CSPP1: variants seen among roughly 807,000 people sequenced by gnomAD.
CSPP1 encodes the protein centrosome and spindle pole-associated protein 1.
Under a neutral mutation model 164.4 loss-of-function variants are expected in CSPP1, and 126 were observed. The ratio of observed to expected loss-of-function variants is 0.77; its 90% CI spans 0.66 to 0.89. The LOEUF is 0.89. Ranked by LOEUF, CSPP1 falls within the 40% of genes least tolerant of loss-of-function variation. CSPP1 has a pLI of 0.00. For missense variants in CSPP1, 1,395 were observed against 1,449.8 expected (o/e 0.96, Z 0.61); for synonymous variants, 472 against 476.7 (o/e 0.99, Z 0.13).
At chr8:67,176,118 G>C (rs1831564517) in intron 26 of CSPP1, among the ~76,000 whole-genome samples, 1 of 152,036 alleles carries the variant, frequency 6.6e-6, no homozygotes, top group African/African-American at 2.4e-5. Flanking sequence ...GCAGAGTGGG[G>C]CTAGTTGTCT....
rs749633996 is a variant in CSPP1, at chr8:67,175,282, A to AT, written c.2969-8dup. 12 of 1,594,146 alleles carry AT rather than the reference A, an allele frequency of 7.5e-6. No homozygotes were observed. In the East Asian group the frequency reaches 1.3e-4, roughly 18 times the overall value. Reference sequence around the variant, plus strand: ...AACATTTAACTTAGTTATATAACATATTTTTTATACCAGATTCAGAAACAC... The same window carrying AT: ...AACATTTAACTTAGTTATATAACATATTTTTTTATACCAGATTCAGAAACAC... On this transcript the variant is annotated splice_polypyrimidine_tract_variant and intron_variant, in intron 25 of 30. Transcript: ENST00000678616.
chr8:67,086,930 C>A, intron 4 of CSPP1: 2 of 717,536 alleles, frequency 2.8e-6, no homozygotes, highest in Non-Finnish European at 4.2e-6. Flanking sequence ...CAATCATTTG[C>A]ATTTATGAGA....
At chr8:67,090,395 C>G (rs1267438812) in intron 4 of CSPP1, among the ~76,000 whole-genome samples, 1 of 152,120 alleles carries the variant, frequency 6.6e-6, no homozygotes, top group Non-Finnish European at 1.5e-5. Context: ...AGGTGATTCT[C>G]CTGCCTCAGC....
At chr8:67,146,322 C>T (rs930024146) in intron 17 of CSPP1, among the ~76,000 whole-genome samples, 2 of 151,752 alleles carry the variant, frequency 1.3e-5, no homozygotes, top group Non-Finnish European at 2.9e-5. Flanking sequence ...CAGGGTCTCA[C>T]TTTTTTGCCC....
rs1380338592 is a variant in CSPP1 at position 67,074,282 on chromosome 8, A to G, written c.30A>G (p.Glu10=). The G allele has an allele frequency of 8.1e-6, 13 of 1,611,448 alleles. No homozygotes were observed. The highest frequency in any genetic ancestry group is 1.1e-5 in the Non-Finnish European group (13 of 1,178,776). The change falls in exon 2 of 31, where the codon GAA becomes GAG. Residue 10 remains glutamate (E), a synonymous_variant. Coordinates refer to ENST00000678616, the MANE Select transcript of CSPP1 (RefSeq NM_001382391.1). ...CTGATAATTTGGATGAATTTATTGA[A>G]GAGCAAAAAGCCAGATTGGCCGAAG... MADNLDEFI[E]EQKARLAEDK...
intron 28 of CSPP1, among the ~76,000 whole-genome samples, chr8:67,181,338 ATTTTTTTTTTT>A (rs58029238): frequency 1.4e-3 from 156 of 112,638 alleles, no homozygotes; most frequent in Non-Finnish European, 2.4e-3. Flanking sequence ...GTACCTGGCC[ATTTTTTTTTTT>A]TTTTTTTTTT....
Position 67,149,834 on chromosome 8 carries a change from A to G in CSPP1, c.2027A>G (p.Asp676Gly). The G allele has an allele frequency of 6.2e-7, 1 of 1,605,352 alleles. No individual in the cohort carries two copies. Among genetic ancestry groups the G allele is most frequent in the South Asian group, 1.1e-5 (1 of 89,120 alleles). The stretch of plus-strand genomic sequence containing the variant: ...AATATAGATGCCTACCATAACCCAG[A>G]TGCAAGAACATATGAAGATAAAAGG... ...RQNIDAYHNP[D>G]ARTYEDKRAV... Residue 676 changes from aspartate to glycine, a missense_variant, in exon 18 of 31, where the codon GAT becomes GGT. Transcript: ENST00000678616.
intron 12 of CSPP1, 90 bp downstream of exon 12, chr8:67,114,460 G>A (rs1366246738): frequency 6.6e-6 from 1 of 152,534 alleles, no homozygotes; most frequent in Non-Finnish European, 1.5e-5. Context: ...ATCTTTGAAT[G>A]ATGATTAAGA....
chr8:67,102,959 C>G, intron 7 of CSPP1, 78 bp from the exon 8 acceptor site: 1 of 768,524 alleles, frequency 1.3e-6, no homozygotes, highest in Non-Finnish European at 2.2e-6. Flanking sequence ...TTGCCAACAT[C>G]AAATGTAAAA....
In CSPP1 at chr8:67,113,824, A is replaced by C. The variant is rs1334253032; in HGVS notation, c.1207A>C (p.Arg403=). The C allele has an allele frequency of 1.9e-6, 3 of 1,581,094 alleles. No individual in the cohort carries two copies. ...GTTTAGAGAAAAAGATTTAGAACTCAGGGTTGCAGCGTCTGGAGCACAAGA... is the reference window on the plus strand; with the variant it reads ...GTTTAGAGAAAAAGATTTAGAACTCCGGGTTGCAGCGTCTGGAGCACAAGA... ...NKRREKDLEL[R]VAASGAQDPE... Residue 403 remains arginine (R), a synonymous_variant, in exon 11 of 31, where the codon AGG becomes CGG. Transcript: ENST00000678616.
In CSPP1 at chr8:67,095,395, G is replaced by A. The variant is rs1175780157; in HGVS notation, c.586G>A (p.Val196Ile). The A allele has an allele frequency of 1.9e-6, 3 of 1,613,062 alleles. No individual in the cohort carries two copies. The highest frequency in any genetic ancestry group is 2.7e-5 in the African/African-American group (2 of 74,836). Residue 196 changes from valine (V) to isoleucine (I), a missense_variant, in exon 7 of 31, where the codon GTC becomes ATC. Coordinates refer to ENST00000678616, the MANE Select transcript of CSPP1 (RefSeq NM_001382391.1). Reference sequence around the variant, plus strand: ...AAATTCAGAGGGTCCTAGAAAAGATGTCTTAACTCCTTCAGAGGCATATGA... The same window carrying A: ...AAATTCAGAGGGTCCTAGAAAAGATATCTTAACTCCTTCAGAGGCATATGA... Reference protein sequence around the residue: ...CENSEGPRKDVLTPSEAYEEL... With the variant: ...CENSEGPRKDILTPSEAYEEL...
At chr8:67,133,464 G>A (rs559511038) in intron 16 of CSPP1, 24 of 152,260 alleles carry the variant, frequency 1.6e-4, no homozygotes, top group African/African-American at 5.5e-4. Flanking sequence ...CTATACTGTG[G>A]TCTATTAAGG....
At chr8:67,107,297 C>T (rs1018269914) in intron 9 of CSPP1, among the ~76,000 whole-genome samples, 6 of 152,168 alleles carry the variant, frequency 3.9e-5, no homozygotes, top group African/African-American at 1.4e-4. Flanking sequence ...ATGTGCCTGC[C>T]TTGGCCTCCC....
At chr8:67,188,803 C>T (rs546181136) in intron 28 of CSPP1, among the ~76,000 whole-genome samples, 56 of 152,292 alleles carry the variant, frequency 3.7e-4, no homozygotes, top group African/African-American at 1.1e-3. Context: ...TGTTCCTGCA[C>T]GGCTAAGTGC....
At chr8:67,186,829 G>T (rs1049039131) in intron 28 of CSPP1, among the ~76,000 whole-genome samples, 1 of 152,144 alleles carries the variant, frequency 6.6e-6, no homozygotes, top group Non-Finnish European at 1.5e-5. Context: ...CAAGTTGTGG[G>T]ATACAAGATG....
chr8:67,180,570 T>C (rs1832769796), intron 28 of CSPP1, among the ~76,000 whole-genome samples: 1 of 152,152 alleles, frequency 6.6e-6, no homozygotes, highest in Non-Finnish European at 1.5e-5. Context: ...TAGATCTTAA[T>C]ACACACATAA....
At chr8:67,072,721 G>T (rs1370527451) in intron 1 of CSPP1, among the ~76,000 whole-genome samples, 2 of 151,912 alleles carry the variant, frequency 1.3e-5, no homozygotes, top group Non-Finnish European at 2.9e-5. Context: ...GAAAAAACTA[G>T]CTGGGGATGG....
At chr8:67,135,738 A>G (rs1822121870) in intron 16 of CSPP1, 1 of 152,260 alleles carries the variant, frequency 6.6e-6, no homozygotes, top group South Asian at 2.1e-4. Flanking sequence ...ATTTTCTTCA[A>G]GAATTTTTCC....
At chr8:67,176,939 C>T (rs147715970) in intron 26 of CSPP1, among the ~76,000 whole-genome samples, 75 of 151,974 alleles carry the variant, frequency 4.9e-4, no homozygotes, top group African/African-American at 1.7e-3. Context: ...GGCATGGAGG[C>T]GTGTGCCTGT....
Sources: gnomAD v4.1 joint callset for allele counts (sites outside exome capture counted in the v4.1 genomes callset) on GRCh38, gnomAD v4.1.1 for gene constraint, MANE v1.5 for transcripts, NCBI Gene and HGNC (gene_info 2026-07-23, HGNC 2026-07-21) for gene names.